The following TNS1 variants were observed in gnomAD, a reference collection of about 807,000 sequenced individuals.
The protein encoded by TNS1 is tensin 1.
In TNS1, 62 loss-of-function variants were observed where a neutral mutation model predicts 168.6. The ratio of observed to expected loss-of-function variants is 0.37; its 90% CI spans 0.30 to 0.45. TNS1 has a LOEUF of 0.45. Ranked by LOEUF, TNS1 falls within the 20% of genes least tolerant of loss-of-function variation. The pLI, the probability that TNS1 is intolerant of heterozygous loss-of-function variation, is 1.00. For missense variants in TNS1, 2,240 were observed against 2,339.4 expected (o/e 0.96, Z 0.88); for synonymous variants, 934 against 933.2 (o/e 1.00, Z -0.02).
At chr2:217,936,168 A>C (rs966542288) in intron 3 of TNS1, among the ~76,000 whole-genome samples, 1 of 152,046 alleles carries the variant, frequency 6.6e-6, no homozygotes, top group African/African-American at 2.4e-5. Context: ...AGGCTCCTCC[A>C]CCCTGACCAG....
At chr2:217,916,996 C>T (rs988281264) in intron 4 of TNS1, among the ~76,000 whole-genome samples, 1 of 152,230 alleles carries the variant, frequency 6.6e-6, no homozygotes, top group Non-Finnish European at 1.5e-5. Flanking sequence ...CAAACCCGCC[C>T]TTTCCTCCCT....
chr2:217,952,677 G>T (rs1453271504), intron 3 of TNS1, among the ~76,000 whole-genome samples: 1 of 152,152 alleles, frequency 6.6e-6, no homozygotes, highest in East Asian at 1.9e-4. Context: ...CTTTACGCTG[G>T]TAGGCTTCAA....
At chr2:217,935,750 T>C (rs1013538891) in intron 3 of TNS1, among the ~76,000 whole-genome samples, 4 of 152,050 alleles carry the variant, frequency 2.6e-5, no homozygotes, top group Non-Finnish European at 5.9e-5. Context: ...AAAACAGCAA[T>C]AACAATCACC....
chr2:217,842,877 G>A (rs1946165909), intron 19 of TNS1, among the ~76,000 whole-genome samples: 1 of 152,080 alleles, frequency 6.6e-6, no homozygotes, highest in African/African-American at 2.4e-5. Flanking sequence ...GCCCAGCCCT[G>A]ATCATCCCAT....
chr2:217,931,730 T>C (rs1027831390), intron 3 of TNS1, among the ~76,000 whole-genome samples: 1 of 152,216 alleles, frequency 6.6e-6, no homozygotes, highest in Non-Finnish European at 1.5e-5. Context: ...ATCAACTGAG[T>C]AACAGTTTTT....
rs147756081 is a variant in TNS1, at chr2:217,855,149, C to G, written c.1430-6062G>C. 1.4e-3 allele frequency among the ~76,000 whole-genome samples: 213 copies of G among 152,310 alleles called. 1 individual carries two copies. The highest frequency in any genetic ancestry group is 4.7e-3 in the African/African-American group (197 of 41,566). On this transcript the variant is annotated intron_variant, in intron 18 of 32. Coordinates refer to ENST00000682258, the MANE Select transcript of TNS1 (RefSeq NM_001387777.1). Reference sequence around the variant, plus strand: ...CACAGGGTAAAGCCCAACCCCCACGCTGGAAATGTCAGACCTTTTCCCAAC... The same window carrying G: ...CACAGGGTAAAGCCCAACCCCCACGGTGGAAATGTCAGACCTTTTCCCAAC...
Position 217,906,375 on chromosome 2 carries a change from G to A in TNS1, c.281C>T (p.Ala94Val), listed in dbSNP as rs538638267. ...TTTCCGTGTGTTTCCACCCCGGGAG[G>A]CTCCTTCTCCCTGCAGACAGAGAAA... Reference protein sequence around the residue: ...PKNVVDKGEGASRGGNTRKSL... With the variant: ...PKNVVDKGEGVSRGGNTRKSL... The change falls in exon 6 of 33, where the codon GCC becomes GTC. Residue 94 changes from alanine to valine, a missense_variant. By Grantham distance (64) the Ala-to-Val change is moderately conservative (BLOSUM62 0). Around this residue, in one of 2 missense-constraint regions of TNS1, gnomAD observed 2,131 missense variants for 2,171.2 expected, o/e 0.98. Coordinates refer to ENST00000682258, the MANE Select transcript of TNS1 (RefSeq NM_001387777.1). 190 of 702,584 alleles carry A rather than the reference G, an allele frequency of 2.7e-4. 1 individual carries two copies. The South Asian group carries it at 2.7e-3, about 10-fold the overall frequency. 43.5% of individuals were successfully genotyped at this position (702,584 alleles called of 1,614,324 possible).
intron 3 of TNS1, among the ~76,000 whole-genome samples, chr2:217,955,864 G>GA (rs1048224017): frequency 2.0e-5 from 3 of 152,156 alleles, no homozygotes; most frequent in Admixed American, 6.5e-5. Flanking sequence ...CCCTCTCAGG[G>GA]AAAAAACTCA....
intron 2 of TNS1, chr2:217,979,032 G>A: frequency 2.0e-6 from 1 of 495,438 alleles, no homozygotes; most frequent in Non-Finnish European, 3.6e-6. Flanking sequence ...GAGGCAGGGG[G>A]CTCCCAGAGC....
intron 32 of TNS1, among the ~76,000 whole-genome samples, chr2:217,805,345 C>T (rs964913053): frequency 2.0e-5 from 3 of 151,870 alleles, no homozygotes; most frequent in African/African-American, 7.3e-5. Context: ...AAACCCCTCT[C>T]CCTACCGCAG....
intron 23 of TNS1, 124 bp downstream of exon 23, chr2:217,821,616 C>G (rs1359341130): frequency 5.1e-6 from 5 of 976,666 alleles, no homozygotes; most frequent in Non-Finnish European, 7.1e-6. Flanking sequence ...TGCAAGGTAC[C>G]GCCATCTGGG....
In TNS1 at chr2:217,818,066, G is replaced by A. The variant is rs1942194054; in HGVS notation, c.4266C>T (p.Asp1422=). The change falls in exon 24 of 33, where the codon GAC becomes GAT. Residue 1422 remains aspartate, a synonymous_variant. Coordinates refer to ENST00000682258, the MANE Select transcript of TNS1 (RefSeq NM_001387777.1). ...GSVVPGSPCL[D]RHVAYGGYST... is the part of the protein sequence containing the mutation. ...AATAGCCACCATAGGCCACATGCCGGTCCAAGCAGGGGCTGCCGGGAACCA... is the reference window on the plus strand; with the variant it reads ...AATAGCCACCATAGGCCACATGCCGATCCAAGCAGGGGCTGCCGGGAACCA... 6.2e-7 allele frequency: 1 copy of A among 1,611,398 alleles called. No individual in the cohort carries two copies. The highest frequency in any genetic ancestry group is 2.2e-5 in the East Asian group (1 of 44,800).
intron 6 of TNS1, chr2:217,903,619 T>C: frequency 6.5e-7 from 1 of 1,536,068 alleles, no homozygotes; most frequent in Non-Finnish European, 8.7e-7. Context: ...AACACAATCC[T>C]TCCTTTGCTG....
At chr2:217,851,163 C>T (rs1947431611) in intron 18 of TNS1, among the ~76,000 whole-genome samples, 1 of 151,200 alleles carries the variant, frequency 6.6e-6, no homozygotes, top group African/African-American at 2.4e-5. Flanking sequence ...AGAATAAACA[C>T]ATAACAGGCA....
At chr2:217,937,651 G>A (rs960537043) in intron 3 of TNS1, among the ~76,000 whole-genome samples, 3 of 152,154 alleles carry the variant, frequency 2.0e-5, no homozygotes, top group African/African-American at 4.8e-5. Flanking sequence ...CGTTGGGACT[G>A]GGGGACGCCC....
chr2:217,811,103 T>C (rs7564983), intron 28 of TNS1, among the ~76,000 whole-genome samples: 6,271 of 152,216 alleles, frequency 0.041, 437 homozygotes, highest in African/African-American at 0.14. Context: ...TGGTCTTGAA[T>C]GCCTCACTTC....
chr2:217,908,062 A>C (rs1244198670), intron 4 of TNS1, among the ~76,000 whole-genome samples: 1 of 152,166 alleles, frequency 6.6e-6, no homozygotes, highest in Non-Finnish European at 1.5e-5. Flanking sequence ...TGTTTCCCCA[A>C]CTATTGTTTT....
intron 2 of TNS1, among the ~76,000 whole-genome samples, chr2:217,980,494 C>CCTA (rs1286640351): frequency 7.3e-6 from 1 of 136,960 alleles, no homozygotes; most frequent in Non-Finnish European, 1.5e-5. Flanking sequence ...CTCTCTCTCT[C>CCTA]CTACACACAC....
intron 32 of TNS1, among the ~76,000 whole-genome samples, chr2:217,807,413 T>A (rs1939355272): frequency 6.6e-6 from 1 of 152,240 alleles, no homozygotes; most frequent in Non-Finnish European, 1.5e-5. Flanking sequence ...CTCTCTTCTG[T>A]ACATCAGGTA....
Sources: allele counts gnomAD v4.1 joint callset (sites outside exome capture counted in the v4.1 genomes callset), GRCh38; gene constraint gnomAD v4.1.1; regional missense constraint gnomAD v4.1.1; transcripts MANE v1.5; gene names NCBI Gene and HGNC (gene_info 2026-07-23, HGNC 2026-07-21).